The following RBFOX1 variants were observed in gnomAD, a reference collection of about 807,000 sequenced individuals.
The protein encoded by RBFOX1 is RNA binding protein fox-1 homolog 1.
Under a neutral mutation model 57.7 loss-of-function variants are expected in RBFOX1, and 8 were observed. The ratio of observed to expected loss-of-function variants is 0.14; its 90% CI spans 0.08 to 0.25. The LOEUF (loss-of-function observed/expected upper bound fraction) is 0.25. Ranked by LOEUF, RBFOX1 falls within the 10% of genes least tolerant of loss-of-function variation. RBFOX1 has a pLI of 1.00. For missense variants in RBFOX1, 611 were observed against 548.5 expected, an observed-to-expected ratio of 1.11 and a Z score of -1.14; for synonymous variants, 326 against 222.4, an observed-to-expected ratio of 1.47 and a Z score of -4.15.
chr16:5,793,235 C>T lies in RBFOX1; in HGVS notation c.319-74068C>T, dbSNP rs116055819. 1.3e-3 allele frequency among the ~76,000 whole-genome samples: 193 copies of T among 152,322 alleles called. 1 individual carries two copies. The highest frequency in any genetic ancestry group is 3.9e-3 in the African/African-American group (161 of 41,582). ...AGGAGCCCAGCCCTGCTGTGCTGACCGGCTCCTTTTGCCCACCGTGGGCAG... is the reference window on the plus strand; with the variant it reads ...AGGAGCCCAGCCCTGCTGTGCTGACTGGCTCCTTTTGCCCACCGTGGGCAG... On this transcript the variant is annotated intron_variant, in intron 3 of 19. Transcript: ENST00000641259.
intron 4 of RBFOX1, among the ~76,000 whole-genome samples, chr16:5,941,730 G>C (rs1278899506): frequency 1.3e-5 from 2 of 151,698 alleles, no homozygotes; most frequent in Non-Finnish European, 2.9e-5. Context: ...TTTCCATACA[G>C]AGGTTGAAAC....
intron 3 of RBFOX1, among the ~76,000 whole-genome samples, chr16:5,677,473 T>G (rs940563513): frequency 6.6e-6 from 1 of 152,156 alleles, no homozygotes; most frequent in African/African-American, 2.4e-5. Context: ...TACGAGTGAT[T>G]AGGAGTGAAG....
chr16:7,402,466 T>C (rs958290303), intron 4 of RBFOX1, among the ~76,000 whole-genome samples: 4 of 152,198 alleles, frequency 2.6e-5, no homozygotes, highest in African/African-American at 9.7e-5. Context: ...CCTCTTGCAT[T>C]TGAGAATTTC....
At chr16:5,541,818 G>A (rs1028457638) in intron 2 of RBFOX1, among the ~76,000 whole-genome samples, 11 of 152,188 alleles carry the variant, frequency 7.2e-5, no homozygotes, top group Non-Finnish European at 1.5e-4. Context: ...TGGAAGGATA[G>A]GATTGGTTAT....
intron 3 of RBFOX1, among the ~76,000 whole-genome samples, chr16:6,700,648 A>T (rs1252622563): frequency 6.6e-6 from 1 of 152,124 alleles, no homozygotes; most frequent in East Asian, 1.9e-4. Context: ...ACAAAAACGA[A>T]ACTTCATCTC....
intron 1 of RBFOX1, among the ~76,000 whole-genome samples, chr16:5,310,573 G>T (rs1409071278): frequency 7.2e-5 from 11 of 152,228 alleles, no homozygotes; most frequent in African/African-American, 2.2e-4. Flanking sequence ...ATTTTGGCTG[G>T]GCTAGAGATT....
chr16:6,565,014 A>G (rs1027058659), intron 2 of RBFOX1, among the ~76,000 whole-genome samples: 1 of 151,272 alleles, frequency 6.6e-6, no homozygotes, highest in Non-Finnish European at 1.5e-5. Context: ...GCTGGCATGC[A>G]CTTGTAATCC....
At chr16:5,256,100 A>G (rs1425202622) in intron 1 of RBFOX1, among the ~76,000 whole-genome samples, 2 of 152,162 alleles carry the variant, frequency 1.3e-5, no homozygotes, top group African/African-American at 4.8e-5. Context: ...CAGTAGTGAC[A>G]TACAGGTGCT....
At chr16:6,415,441 A>G (rs1484494978) in intron 2 of RBFOX1, among the ~76,000 whole-genome samples, 2 of 151,918 alleles carry the variant, frequency 1.3e-5, no homozygotes, top group East Asian at 3.9e-4. Context: ...CACACCTGTA[A>G]TCACAGCAGG....
intron 4 of RBFOX1, among the ~76,000 whole-genome samples, chr16:7,252,856 C>G (rs543889566): frequency 6.6e-6 from 1 of 152,164 alleles, no homozygotes; most frequent in African/African-American, 2.4e-5. Flanking sequence ...ACCAAGTGAT[C>G]TTTCCCTAAC....
In RBFOX1 at chr16:7,134,711, C is replaced by G. The variant is rs12443656; in HGVS notation, c.27+82613C>G. 6.1e-4 allele frequency among the ~76,000 whole-genome samples: 93 copies of G among 152,280 alleles called. 1 individual carries two copies. The highest frequency in any genetic ancestry group is 1.2e-3 in the South Asian group (6 of 4,828). ...TTAGAAATCCTGACTGTGAAAACTA[C>G]TTTTGTTGTGTTGTAGTTGCTGTTG... On this transcript the variant is annotated intron_variant, in intron 4 of 15. Coordinates refer to ENST00000550418, the MANE Select transcript of RBFOX1 (RefSeq NM_018723.4).
intron 2 of RBFOX1, among the ~76,000 whole-genome samples, chr16:6,636,021 T>A (rs962205700): frequency 6.6e-6 from 1 of 152,190 alleles, no homozygotes; most frequent in Non-Finnish European, 1.5e-5. Context: ...AAAGTACTTG[T>A]GTACATGTTT....
intron 4 of RBFOX1, among the ~76,000 whole-genome samples, chr16:5,868,010 C>A (rs2057383356): frequency 1.3e-5 from 2 of 151,652 alleles, no homozygotes; most frequent in Non-Finnish European, 2.9e-5. Flanking sequence ...CCATGCCCAG[C>A]CTGTTTTTCT....
chr16:6,274,455 A>G (rs1162671814), intron 1 of RBFOX1, among the ~76,000 whole-genome samples: 3 of 152,160 alleles, frequency 2.0e-5, no homozygotes, highest in Non-Finnish European at 4.4e-5. Flanking sequence ...GAAAAATTCC[A>G]ATTTATGTAA....
At chr16:7,671,434 C>T (rs1291807820) in intron 13 of RBFOX1, 18 of 879,804 alleles carry the variant, frequency 2.0e-5, no homozygotes, top group Non-Finnish European at 3.0e-5. Flanking sequence ...AGTCCCAAGG[C>T]TTGGTGAAGT....
chr16:5,919,737 T>A (rs977053971), intron 4 of RBFOX1, among the ~76,000 whole-genome samples: 2 of 152,176 alleles, frequency 1.3e-5, no homozygotes, highest in African/African-American at 2.4e-5. Context: ...TTTTCATTTC[T>A]CCAAAGGAAA....
At chr16:7,004,181 T>G (rs533002810) in intron 3 of RBFOX1, 3 of 152,230 alleles carry the variant, frequency 2.0e-5, no homozygotes, top group African/African-American at 7.2e-5. Context: ...GAATGATGCA[T>G]AGAAGAATCT....
intron 4 of RBFOX1, among the ~76,000 whole-genome samples, chr16:5,908,157 CATAT>C (rs201200860): frequency 2.4e-5 from 3 of 123,164 alleles, no homozygotes; most frequent in African/African-American, 9.0e-5. Context: ...CATATATACA[CATAT>C]ATATACACAT....
At chr16:7,149,015 G>C (rs1017008412) in intron 4 of RBFOX1, among the ~76,000 whole-genome samples, 1 of 152,178 alleles carries the variant, frequency 6.6e-6, no homozygotes, top group Non-Finnish European at 1.5e-5. Context: ...TAGAGAATGC[G>C]TCAAGGGAAG....
Sources: allele counts gnomAD v4.1 joint callset (sites outside exome capture counted in the v4.1 genomes callset), GRCh38; gene constraint gnomAD v4.1.1; transcripts MANE v1.5; gene names NCBI Gene and HGNC (gene_info 2026-07-23, HGNC 2026-07-21).